The following SLF2 variants were observed in gnomAD, a reference collection of about 807,000 sequenced individuals.
SLF2 encodes the protein SMC5-SMC6 complex localization factor protein 2.
Under a neutral mutation model 124.3 loss-of-function variants are expected in SLF2, and 68 were observed. The observed-to-expected ratio is 0.55, with a 90% CI of 0.45 to 0.67. The LOEUF (loss-of-function observed/expected upper bound fraction) is 0.67. Ranked by LOEUF, SLF2 falls within the 30% of genes least tolerant of loss-of-function variation. The pLI is 0.00. For missense variants in SLF2, 1,246 were observed against 1,373.7 expected, an observed-to-expected ratio of 0.91 and a Z score of 1.47; for synonymous variants, 480 against 478.8, an observed-to-expected ratio of 1.00 and a Z score of -0.03.
Position 100,947,123 on chromosome 10 carries a change from A to G in SLF2, c.3019A>G (p.Thr1007Ala). The G allele has an allele frequency of 6.4e-7, 1 of 1,574,498 alleles. No individual in the cohort carries two copies. Among genetic ancestry groups the G allele is most frequent in the Non-Finnish European group, 8.6e-7 (1 of 1,164,200 alleles). The change falls in exon 14 of 20, where the codon ACA becomes GCA. Residue 1007 changes from threonine (T) to alanine (A), a missense_variant. This residue lies in a region of SLF2 where 535 missense variants were observed against 632.8 expected (regional missense o/e 0.85). Transcript: ENST00000238961. Reference sequence around the variant, plus strand: ...GTTGGTACAGCTGGTCCCTAATTGGACATCACGTGGAAGGTATTAAAAAGT... The same window carrying G: ...GTTGGTACAGCTGGTCCCTAATTGGGCATCACGTGGAAGGTATTAAAAAGT... ...LWLVQLVPNW[T>A]SRGRQLRQCL...
In SLF2 at chr10:100,924,163, C is replaced by T. The variant is rs150772167; in HGVS notation, c.1162C>T (p.Arg388Cys). The change falls in exon 5 of 20, where the codon CGC becomes TGC. Residue 388 changes from arginine (R) to cysteine (C), a missense_variant. Arg to Cys is a radical substitution (Grantham distance 180). This residue lies in a region of SLF2 where 698 missense variants were observed against 708.9 expected (regional missense o/e 0.98). Transcript: ENST00000238961. ...IALKTPGDVLRLEDISKEPSD... is the reference protein window; with the variant it reads ...IALKTPGDVLCLEDISKEPSD... ...ACTGAAGACACCTGGTGATGTGTTG[C>T]GCTTAGAAGATATATCCAAGGAACC... The T allele has an allele frequency of 1.2e-3, 1,971 of 1,613,894 alleles. 10 individuals are homozygous for T. The highest frequency in any genetic ancestry group is 1.3e-3 in the Non-Finnish European group (1,586 of 1,179,962).
chr10:100,943,809 G>A (rs1460748779), intron 11 of SLF2: 1 of 410,088 alleles, frequency 2.4e-6, no homozygotes, highest in Non-Finnish European at 4.3e-6. Flanking sequence ...TTGGCATAAA[G>A]AGACTTTTGA....
At chr10:100,938,821 C>T in intron 11 of SLF2, 85 bp downstream of exon 11, 1 of 1,247,056 alleles carries the variant, frequency 8.0e-7, no homozygotes, top group Non-Finnish European at 1.1e-6. Context: ...ATATTTATTT[C>T]TGATTTTTAA....
intron 1 of SLF2, among the ~76,000 whole-genome samples, chr10:100,914,798 A>G (rs946318404): frequency 3.3e-5 from 5 of 152,208 alleles, no homozygotes; most frequent in Non-Finnish European, 7.3e-5. Context: ...TAAACCAGTA[A>G]AGATGTGCAT....
intron 18 of SLF2, among the ~76,000 whole-genome samples, chr10:100,958,996 G>GT (rs1489185493): frequency 3.3e-5 from 5 of 151,934 alleles, no homozygotes; most frequent in South Asian, 2.1e-4. Context: ...ACAAATAAAC[G>GT]TTTTTTTTAT....
At chr10:100,953,038 C>T (rs566267761) in intron 17 of SLF2, among the ~76,000 whole-genome samples, 2 of 151,274 alleles carry the variant, frequency 1.3e-5, no homozygotes, top group African/African-American at 2.4e-5. Context: ...TTTTTCGAGA[C>T]GGAGTCTTGC....
chr10:100,947,104 A>G lies in SLF2; in HGVS notation c.3000A>G (p.Val1000=). 1 of 1,599,550 alleles carries G rather than the reference A, an allele frequency of 6.3e-7. No homozygotes were observed. The highest frequency in any genetic ancestry group is 8.5e-7 in the Non-Finnish European group (1 of 1,174,668). The change falls in exon 14 of 20, where the codon GTA becomes GTG. Residue 1000 remains valine (V), a synonymous_variant. Transcript: ENST00000238961. ...SSHPHNLLWL[V]QLVPNWTSRG... ...ATCCCCACAACCTCCTGTGGTTGGT[A>G]CAGCTGGTCCCTAATTGGACATCAC...
chr10:100,913,418 G>A (rs1049940618), intron 1 of SLF2, 168 bp downstream of exon 1: 103 of 1,346,324 alleles, frequency 7.7e-5, no homozygotes, highest in Non-Finnish European at 9.7e-5. Context: ...GCTACTGGGA[G>A]TTGGAGTTTG....
At chr10:100,918,252 T>A (rs541757207) in intron 3 of SLF2, 132 bp from the exon 4 acceptor site, 17 of 490,432 alleles carry the variant, frequency 3.5e-5, no homozygotes, top group Non-Finnish European at 5.0e-5. Context: ...ATTATAGACA[T>A]TAGGATTTAC....
At position 100,929,813 on chromosome 10, in the gene SLF2, CT is replaced by C. The variant is rs774890087; in HGVS notation, c.2166-10del. ...AGTGTAACAATTTGGTATTGATTGA[CT>C]TTTTTTATGTTTCAGGGAATTTCTA... On this transcript the variant is annotated splice_polypyrimidine_tract_variant and intron_variant, in intron 7 of 19. Coordinates refer to ENST00000238961, the MANE Select transcript of SLF2 (RefSeq NM_018121.4). The C allele has an allele frequency of 4.5e-6, 7 of 1,557,982 alleles. No individual in the cohort carries two copies. The highest frequency in any genetic ancestry group is 1.7e-4 in the Middle Eastern group (1 of 5,822).
intron 13 of SLF2, 128 bp from the exon 14 acceptor site, chr10:100,946,911 A>T (rs1211315755): frequency 1.4e-6 from 1 of 709,698 alleles, no homozygotes; most frequent in African/African-American, 1.8e-5. Context: ...ACTCCATGCT[A>T]TTTCTAAAAA....
intron 9 of SLF2, among the ~76,000 whole-genome samples, chr10:100,935,055 A>G (rs570306390): frequency 6.6e-6 from 1 of 152,062 alleles, no homozygotes; most frequent in Non-Finnish European, 1.5e-5. Flanking sequence ...ATTTAAAAAA[A>G]TTTTTTTTAA....
intron 13 of SLF2, among the ~76,000 whole-genome samples, chr10:100,946,041 T>G (rs891543497): frequency 1.1e-4 from 17 of 152,210 alleles, no homozygotes; most frequent in Admixed American, 2.0e-4. Flanking sequence ...GAGTTGAACT[T>G]CTGCAACCAT....
intron 9 of SLF2, 54 bp downstream of exon 9, chr10:100,931,132 A>G (rs957589385): frequency 6.7e-6 from 9 of 1,352,852 alleles, no homozygotes; most frequent in Middle Eastern, 3.7e-4. Context: ...TTCTAAGTCA[A>G]AAGCTTTTAA....
Position 100,924,637 on chromosome 10 carries a change from C to T in SLF2, c.1636C>T (p.Arg546Cys), listed in dbSNP as rs747051897. The T allele has an allele frequency of 4.8e-5, 78 of 1,613,914 alleles. No individual in the cohort carries two copies. Among genetic ancestry groups the T allele is most frequent in the Middle Eastern group, 3.3e-4 (2 of 6,084 alleles). The change falls in exon 5 of 20, where the codon CGC (arginine) becomes TGC (cysteine). Residue 546 changes from arginine to cysteine, a missense_variant. Arg to Cys is a radical substitution (Grantham distance 180). Around this residue, in one of 3 missense-constraint regions of SLF2, gnomAD observed 698 missense variants for 708.9 expected, o/e 0.98. Transcript: ENST00000238961. Reference protein sequence around the residue: ...SSGKISGGPLRSEYGTPTKSP... With the variant: ...SSGKISGGPLCSEYGTPTKSP... ...AGGGAAAATTTCTGGGGGACCTTTG[C>T]GCTCAGAATATGGCACTCCTACAAA...
rs1348972052 is a variant in SLF2, at chr10:100,950,601, T to C, written c.3253-75T>C. On this transcript the variant is annotated intron_variant, in intron 16 of 19. Transcript: ENST00000238961. ...TATCCTTTATCCTTCCTGGGCAATTTTCCTAATGTGTAAATTGGAATGACA... is the reference window on the plus strand; with the variant it reads ...TATCCTTTATCCTTCCTGGGCAATTCTCCTAATGTGTAAATTGGAATGACA... 17 of 1,304,328 alleles carry C rather than the reference T, an allele frequency of 1.3e-5. No individual in the cohort carries two copies. In the Admixed American group the frequency reaches 3.1e-4, roughly 24 times the overall value. 80.8% of individuals were successfully genotyped at this position (1,304,328 alleles called of 1,614,324 possible).
chr10:100,924,578 C>T lies in SLF2; in HGVS notation c.1577C>T (p.Ala526Val). The change falls in exon 5 of 20, where the codon GCA becomes GTA. Residue 526 changes from alanine (A) to valine (V), a missense_variant. Around this residue, in one of 3 missense-constraint regions of SLF2, gnomAD observed 698 missense variants for 708.9 expected, o/e 0.98. Transcript: ENST00000238961. ...TCCACCAAACACAAGGAACACAAAGCAAAGACTAATAAGGCCGATTCTAAT... is the reference window on the plus strand; with the variant it reads ...TCCACCAAACACAAGGAACACAAAGTAAAGACTAATAAGGCCGATTCTAAT... ...TESTKHKEHK[A>V]KTNKADSNVS... The T allele has an allele frequency of 6.2e-7, 1 of 1,614,098 alleles. No homozygotes were observed. Among genetic ancestry groups the T allele is most frequent in the Non-Finnish European group, 8.5e-7 (1 of 1,180,032 alleles).
chr10:100,929,351 A>T lies in SLF2; in HGVS notation c.2077A>T (p.Ile693Leu). Residue 693 changes from isoleucine (I) to leucine (L), a missense_variant, in exon 7 of 20, where the codon ATA (isoleucine) becomes TTA (leucine). By Grantham distance (5) the Ile-to-Leu change is conservative. Around this residue, in one of 3 missense-constraint regions of SLF2, gnomAD observed 535 missense variants for 632.8 expected, o/e 0.85. Transcript: ENST00000238961. ...ACTGCAGAAGCAACTACAAGAAGAC[A>T]TAAGGCAAGGCCGAGGCATTAAATC... ...DELQKQLQED[I>L]RQGRGIKSPI... 1.2e-6 allele frequency: 2 copies of T among 1,613,286 alleles called. No homozygotes were observed. The highest frequency in any genetic ancestry group is 1.7e-6 in the Non-Finnish European group (2 of 1,179,398).
At chr10:100,932,708 TGTGTGTGTGTGTGCGC>T (rs774459144) in intron 9 of SLF2, among the ~76,000 whole-genome samples, 13 of 84,924 alleles carry the variant, frequency 1.5e-4, no homozygotes, top group Admixed American at 5.9e-4. Flanking sequence ...TGTGTGTGTG[TGTGTGTGTGTGTGCGC>T]GCGCGCGCGC....
Sources: gnomAD v4.1 joint callset for allele counts (sites outside exome capture counted in the v4.1 genomes callset) on GRCh38, gnomAD v4.1.1 for gene constraint, gnomAD v4.1.1 regional missense constraint, MANE v1.5 for transcripts, NCBI Gene and HGNC (gene_info 2026-07-23, HGNC 2026-07-21) for gene names.